The following UNC13C variants were observed in gnomAD, a reference collection of about 807,000 sequenced individuals.
UNC13C encodes protein unc-13 homolog C.
Under a neutral mutation model 245.4 loss-of-function variants are expected in UNC13C, and 174 were observed. That is an observed-to-expected ratio of 0.71 (90% CI 0.63 to 0.80). The LOEUF (loss-of-function observed/expected upper bound fraction) is 0.80. Among genes scored for constraint, UNC13C ranks in the 30% least tolerant of loss-of-function variants. The probability of loss-of-function intolerance (pLI) is 0.00; values close to 1 mark genes in which losing one functional copy is unlikely to be tolerated. For missense variants in UNC13C, 2,829 were observed against 2,602.9 expected (o/e 1.09, Z -1.89); for synonymous variants, 992 against 895.1 (o/e 1.11, Z -1.93).
intron 20 of UNC13C, among the ~76,000 whole-genome samples, chr15:54,495,363 T>C (rs1893903180): frequency 6.6e-6 from 1 of 152,088 alleles, no homozygotes; most frequent in Non-Finnish European, 1.5e-5. Context: ...GCTGATAAGC[T>C]TAAATATCAT....
intron 4 of UNC13C, among the ~76,000 whole-genome samples, chr15:54,229,072 T>G (rs1024007325): frequency 2.0e-5 from 3 of 152,172 alleles, no homozygotes; most frequent in Non-Finnish European, 4.4e-5. Context: ...AAATGCTCCT[T>G]CTGTGGGCAC....
the UNC13C span, among the ~76,000 whole-genome samples, chr15:53,921,929 AC>A: frequency 6.6e-6 from 1 of 152,200 alleles, no homozygotes; most frequent in African/African-American, 2.4e-5. Context: ...CTATTTTCTA[AC>A]TGCGACTTGT....
chr15:53,915,580 CA>C, the UNC13C span, among the ~76,000 whole-genome samples: 1 of 152,098 alleles, frequency 6.6e-6, no homozygotes, highest in Non-Finnish European at 1.5e-5. Flanking sequence ...ACTCAAAACA[CA>C]AATGGCAAAT....
chr15:54,288,106 G>T (rs1480236058), intron 10 of UNC13C, among the ~76,000 whole-genome samples: 1 of 152,076 alleles, frequency 6.6e-6, no homozygotes, highest in African/African-American at 2.4e-5. Flanking sequence ...TAAAATTTCT[G>T]ATTTAGTAAG....
intron 13 of UNC13C, among the ~76,000 whole-genome samples, chr15:54,318,582 C>G (rs2038068873): frequency 6.6e-6 from 1 of 151,780 alleles, no homozygotes; most frequent in African/African-American, 2.4e-5. Context: ...TATTTGTTTT[C>G]TTGCTACTGA....
chr15:53,857,121 C>A, the UNC13C span, among the ~76,000 whole-genome samples: 11 of 152,158 alleles, frequency 7.2e-5, no homozygotes, highest in African/African-American at 2.4e-4. Context: ...CTGTACCTAA[C>A]TTCCATTTTC....
chr15:54,269,557 A>G (rs917107517), intron 10 of UNC13C, among the ~76,000 whole-genome samples: 5 of 152,272 alleles, frequency 3.3e-5, no homozygotes, highest in Middle Eastern at 6.8e-3. Context: ...GAGTAATGAT[A>G]AGTGCAGCCA....
intron 19 of UNC13C, among the ~76,000 whole-genome samples, chr15:54,449,622 C>T (rs1891053494): frequency 6.6e-6 from 1 of 152,224 alleles, no homozygotes; most frequent in African/African-American, 2.4e-5. Context: ...GTTTTCAGCT[C>T]CATCAGGTCC....
At chr15:54,127,853 G>A (rs2163202) in intron 2 of UNC13C, among the ~76,000 whole-genome samples, 57,072 of 148,836 alleles carry the variant, frequency 0.38, 11,123 homozygotes, top group African/African-American at 0.42. Context: ...GGGAACTGGA[G>A]CTGGGACAAG....
At chr15:53,970,855 T>A in the UNC13C span, among the ~76,000 whole-genome samples, 2 of 152,132 alleles carry the variant, frequency 1.3e-5, no homozygotes, top group African/African-American at 4.8e-5. Flanking sequence ...AAAATAATAA[T>A]TCTTTTGGAT....
the UNC13C span, among the ~76,000 whole-genome samples, chr15:53,936,502 T>C: frequency 1.3e-5 from 2 of 152,290 alleles, no homozygotes; most frequent in South Asian, 2.1e-4. Context: ...CCCAGTGCAG[T>C]GCACTTGCTC....
At chr15:54,361,117 A>T (rs1345797802) in intron 17 of UNC13C, among the ~76,000 whole-genome samples, 6 of 152,086 alleles carry the variant, frequency 3.9e-5, no homozygotes, top group Non-Finnish European at 8.8e-5. Flanking sequence ...AATTCACTTG[A>T]TGGTGGCTCA....
At chr15:54,090,904 G>C (rs1477033366) in intron 2 of UNC13C, among the ~76,000 whole-genome samples, 1 of 152,126 alleles carries the variant, frequency 6.6e-6, no homozygotes, top group Non-Finnish European at 1.5e-5. Flanking sequence ...CATGTCAGTA[G>C]GTACTTGATG....
chr15:54,452,469 G>A lies in UNC13C; in HGVS notation c.4933+37402G>A, dbSNP rs111520567. 5.1e-3 allele frequency among the ~76,000 whole-genome samples: 769 copies of A among 152,272 alleles called. 6 individuals carry two copies. The highest frequency in any genetic ancestry group is 0.017 in the African/African-American group (719 of 41,558). On this transcript the variant is annotated intron_variant, in intron 19 of 32. Transcript: ENST00000260323. The stretch of plus-strand genomic sequence containing the variant: ...ATAGGGGTGGGTACCTACAGTGGTG[G>A]CAACAGCAGGCTGGATGGGCCCATC...
chr15:54,186,820 C>T (rs2033999665), intron 4 of UNC13C, among the ~76,000 whole-genome samples: 1 of 127,834 alleles, frequency 7.8e-6, no homozygotes. Context: ...TGTCCACTGA[C>T]ACATACAAAG....
At chr15:54,185,467 C>G (rs887888750) in intron 4 of UNC13C, among the ~76,000 whole-genome samples, 1 of 150,638 alleles carries the variant, frequency 6.6e-6, no homozygotes, top group Non-Finnish European at 1.5e-5. Context: ...AGGAAGGAAT[C>G]GAGTTTCAGC....
intron 18 of UNC13C, among the ~76,000 whole-genome samples, chr15:54,414,645 CA>C (rs137983328): frequency 1.2e-4 from 17 of 146,318 alleles, no homozygotes; most frequent in South Asian, 6.5e-4. Flanking sequence ...GACTCTGTCT[CA>C]AAAAAAAAAG....
intron 2 of UNC13C, among the ~76,000 whole-genome samples, chr15:54,133,679 C>T (rs114722294): frequency 0.012 from 1,826 of 152,138 alleles, 27 homozygotes; most frequent in African/African-American, 0.043. Context: ...GACATTTTAC[C>T]ACAATTTTAC....
intron 8 of UNC13C, among the ~76,000 whole-genome samples, chr15:54,260,262 A>C (rs2036389416): frequency 6.6e-6 from 1 of 152,166 alleles, no homozygotes; most frequent in Admixed American, 6.5e-5. Flanking sequence ...TATTTACACC[A>C]CAGAAATCTG....
Sources: gnomAD v4.1 joint callset for allele counts (sites outside exome capture counted in the v4.1 genomes callset) on GRCh38, gnomAD v4.1.1 for gene constraint, MANE v1.5 for transcripts, NCBI Gene and HGNC (gene_info 2026-07-23, HGNC 2026-07-21) for gene names.